Variants in MSMB observed in about 807,000 individuals in gnomAD.
MSMB encodes beta-microseminoprotein.
Under a neutral mutation model 10.5 loss-of-function variants are expected in MSMB, and 10 were observed. The ratio of observed to expected loss-of-function variants is 0.95; its 90% CI spans 0.59 to 1.62. The LOEUF (loss-of-function observed/expected upper bound fraction) is 1.62. Ranked by LOEUF, MSMB falls within the 40% of genes most tolerant of loss-of-function variation. The pLI is 0.00. For synonymous variants in MSMB, 43 were observed against 46.5 expected (o/e 0.93, Z 0.30); for missense variants, 126 against 137.4 (o/e 0.92, Z 0.42).
intron 3 of MSMB, among the ~76,000 whole-genome samples, chr10:46,035,959 C>T (rs181311292): frequency 6.6e-6 from 1 of 152,310 alleles, no homozygotes; most frequent in East Asian, 1.9e-4. Flanking sequence ...AGGCATATTA[C>T]TGCATGCTTA....
intron 3 of MSMB, 46 bp downstream of exon 3, chr10:46,038,920 A>G: frequency 6.6e-7 from 1 of 1,504,186 alleles, no homozygotes; most frequent in Non-Finnish European, 9.2e-7. Context: ...TGTTCCTCAG[A>G]GAACAGCTAT....
intron 3 of MSMB, among the ~76,000 whole-genome samples, chr10:46,038,327 G>A (rs1004181946): frequency 1.0e-4 from 15 of 150,310 alleles, no homozygotes; most frequent in African/African-American, 2.2e-4. Flanking sequence ...TCGCTCTGTC[G>A]CCCAGGCTGG....
chr10:46,039,909 A>G (rs1481644343), intron 2 of MSMB, 77 bp downstream of exon 2: 25 of 1,099,016 alleles, frequency 2.3e-5, no homozygotes, highest in Non-Finnish European at 3.3e-5. Flanking sequence ...AAACAGAAAC[A>G]CAAAGGCTTT....
intron 3 of MSMB, among the ~76,000 whole-genome samples, chr10:46,037,328 C>T (rs571955406): frequency 2.1e-4 from 32 of 152,138 alleles, no homozygotes; most frequent in Admixed American, 5.9e-4. Context: ...GACAAGTTTG[C>T]GAAATGCCCC....
At chr10:46,034,801 G>A (rs1554927349) in intron 3 of MSMB, among the ~76,000 whole-genome samples, 1 of 150,898 alleles carries the variant, frequency 6.6e-6, no homozygotes, top group Non-Finnish European at 1.5e-5. Flanking sequence ...CTCCATCCTG[G>A]GCGACAGAGC....
chr10:46,041,664 T>C (rs1840757244), intron 1 of MSMB, among the ~76,000 whole-genome samples: 1 of 151,646 alleles, frequency 6.6e-6, no homozygotes, highest in South Asian at 2.1e-4. Flanking sequence ...TATGGTGGTG[T>C]GTCCCTGTAG....
At chr10:46,034,621 C>G (rs1392606507) in intron 3 of MSMB, among the ~76,000 whole-genome samples, 1 of 151,282 alleles carries the variant, frequency 6.6e-6, no homozygotes, top group African/African-American at 2.4e-5. Context: ...GTCAGGAGAT[C>G]GAGACCATCC....
chr10:46,039,148 C>G (rs944150504), intron 2 of MSMB, 77 bp from the exon 3 acceptor site: 1 of 1,228,694 alleles, frequency 8.1e-7, no homozygotes, highest in Non-Finnish European at 1.2e-6. Flanking sequence ...GAGTCCTGCC[C>G]CTACTATCTA....
At chr10:46,038,929 A>C in intron 3 of MSMB, 37 bp downstream of exon 3, 1 of 1,554,620 alleles carries the variant, frequency 6.4e-7, no homozygotes, top group Non-Finnish European at 8.9e-7. Flanking sequence ...GAGAACAGCT[A>C]TGTCCCCCTC....
intron 2 of MSMB, among the ~76,000 whole-genome samples, chr10:46,039,372 G>A (rs2075895): frequency 0.26 from 38,974 of 152,072 alleles, 6,230 homozygotes; most frequent in African/African-American, 0.47. Flanking sequence ...ATGTGAGCCT[G>A]TGGGTACTTG....
At chr10:46,039,859 G>A in intron 2 of MSMB, 127 bp downstream of exon 2, 2 of 685,182 alleles carry the variant, frequency 2.9e-6, no homozygotes, top group South Asian at 1.8e-5. Flanking sequence ...TCCAGCCTGG[G>A]AGACAGAGCA....
At chr10:46,033,592 G>T (rs1554927132) in intron 3 of MSMB, 41 bp from the exon 4 acceptor site, 8 of 1,607,652 alleles carry the variant, frequency 5.0e-6, no homozygotes, top group Non-Finnish European at 6.0e-6. Context: ...GAAGAGAAAG[G>T]ACCCCGAGCA....
chr10:46,043,439 C>G (rs938293865), intron 1 of MSMB, among the ~76,000 whole-genome samples: 1 of 140,248 alleles, frequency 7.1e-6, no homozygotes, highest in South Asian at 2.7e-4. Flanking sequence ...CTTTCTGTCT[C>G]TCTCTCTCTC....
rs1238337597 is a variant in MSMB, at chr10:46,036,839, C to T, written c.215+2127G>A. On this transcript the variant is annotated intron_variant, in intron 3 of 3. Transcript: ENST00000582163. ...CATGGACATTTTAGCCACCAGGGAG[C>T]CACGCTCCTATGTGAGGGAGGGACC... 2.6e-5 allele frequency among the ~76,000 whole-genome samples: 4 copies of T among 152,314 alleles called. No individual in the cohort carries two copies. In the East Asian group the frequency reaches 5.8e-4, roughly 22 times the overall value.
At chr10:46,036,210 G>A (rs112330334) in intron 3 of MSMB, among the ~76,000 whole-genome samples, 2,541 of 152,248 alleles carry the variant, frequency 0.017, 69 homozygotes, top group African/African-American at 0.057. Context: ...CCAGCCTCAG[G>A]CTCCACTGCC....
Position 46,038,857 on chromosome 10 carries a change from A to G in MSMB, c.215+109T>C, listed in dbSNP as rs1840675750. The stretch of plus-strand genomic sequence containing the variant: ...CTACTCTATATAAAGTCTATAAAAA[A>G]CTAAAACAAAAACTAAACCCCTGAA... On this transcript the variant is annotated intron_variant, in intron 3 of 3. Coordinates refer to ENST00000582163, the MANE Select transcript of MSMB (RefSeq NM_002443.4). 6 of 910,886 alleles carry G rather than the reference A, an allele frequency of 6.6e-6. No individual in the cohort carries two copies. The East Asian group carries it at 1.6e-4, about 24-fold the overall frequency. The allele number at this position is 910,886 out of a possible 1,614,324, so 56.4% of individuals were successfully genotyped here.
intron 1 of MSMB, among the ~76,000 whole-genome samples, chr10:46,043,693 G>A (rs1446643149): frequency 6.6e-6 from 1 of 151,810 alleles, no homozygotes; most frequent in Admixed American, 6.6e-5. Flanking sequence ...GTTTCTTTTT[G>A]GGACGGAATC....
intron 1 of MSMB, 26 bp downstream of exon 1, chr10:46,046,209 C>T: frequency 1.2e-6 from 2 of 1,606,944 alleles, no homozygotes; most frequent in East Asian, 2.2e-5. Context: ...CTTTTCTAGC[C>T]TTTATATATA....
chr10:46,044,070 C>T (rs1385917582), intron 1 of MSMB, among the ~76,000 whole-genome samples: 1 of 152,182 alleles, frequency 6.6e-6, no homozygotes, highest in Non-Finnish European at 1.5e-5. Flanking sequence ...GGTCTGAGGT[C>T]CACCCCTGAG....
Sources: allele counts gnomAD v4.1 joint callset (sites outside exome capture counted in the v4.1 genomes callset), GRCh38; gene constraint gnomAD v4.1.1; transcripts MANE v1.5; gene names NCBI Gene and HGNC (gene_info 2026-07-23, HGNC 2026-07-21).